The following PRKCSH variants were observed in gnomAD, a reference collection of about 807,000 sequenced individuals.
PRKCSH encodes the protein glucosidase 2 subunit beta.
A neutral mutation model predicts 79.7 loss-of-function variants in PRKCSH; 42 were observed. The ratio of observed to expected loss-of-function variants is 0.53; its 90% CI spans 0.41 to 0.68. PRKCSH has a LOEUF of 0.68. PRKCSH is among the 30% of genes least tolerant of loss of function. PRKCSH has a pLI of 0.00. For synonymous variants in PRKCSH, 325 were observed against 288.2 expected (o/e 1.13, Z -1.29); for missense variants, 686 against 709.0 (o/e 0.97, Z 0.37).
At chr19:11,437,544 A>T (rs1969830742) in intron 3 of PRKCSH, among the ~76,000 whole-genome samples, 1 of 151,040 alleles carries the variant, frequency 6.6e-6, no homozygotes, top group Non-Finnish European at 1.5e-5. Flanking sequence ...GTAGAGATGG[A>T]GTTTCATCGT....
chr19:11,438,248 C>T lies in PRKCSH; in HGVS notation c.350+124C>T, dbSNP rs1346555799. ...CGGGTTCTCTGTCTGTGCCAGGTGC[C>T]TTGTGAATCCTAATCCCCACCTTTC... On this transcript the variant is annotated intron_variant, in intron 5 of 17. Coordinates refer to ENST00000677123, the MANE Select transcript of PRKCSH (RefSeq NM_001289104.2). 20 of 1,054,640 alleles carry T rather than the reference C, an allele frequency of 1.9e-5. No individual in the cohort carries two copies. In the Admixed American group the frequency reaches 3.7e-4, roughly 20 times the overall value. The allele number at this position is 1,054,640 out of a possible 1,614,324, so 65.3% of individuals were successfully genotyped here.
chr19:11,435,739 CA>C lies in PRKCSH; in HGVS notation c.-78+34del, dbSNP rs1455335833. 6 of 1,350,324 alleles carry C rather than the reference CA, an allele frequency of 4.4e-6. No homozygotes were observed. The African/African-American group carries it at 8.8e-5, about 20-fold the overall frequency. The allele number at this position is 1,350,324 out of a possible 1,614,324, so 83.6% of individuals were successfully genotyped here. ...TGAACGAGCGGGTGGGAGGGCACCT[CA>C]GTTTCTTACAGGGGGCAACCGGAGG... On this transcript the variant is annotated intron_variant, in intron 1 of 17. Transcript: ENST00000677123.
intron 7 of PRKCSH, among the ~76,000 whole-genome samples, chr19:11,443,544 C>CAAA (rs1209714150): frequency 9.7e-6 from 1 of 103,472 alleles, no homozygotes. Flanking sequence ...GACTCCGTCT[C>CAAA]AAAAAAAAAA....
At position 11,445,382 on chromosome 19, in the gene PRKCSH, T is replaced by C. The variant is rs771148433; in HGVS notation, c.599-7T>C. ...GGCAGGGGGTGACAGAGGTGGCTTC[T>C]TTACAGAGCAGCTGGCTGCTGCCAA... On this transcript the variant is annotated splice_polypyrimidine_tract_variant and splice_region_variant and intron_variant, in intron 7 of 17. Transcript: ENST00000677123. 3 of 1,613,404 alleles carry C rather than the reference T, an allele frequency of 1.9e-6. No homozygotes were observed. The highest frequency in any genetic ancestry group is 1.7e-4 in the Middle Eastern group (1 of 6,046).
chr19:11,448,703 T>C lies in PRKCSH; in HGVS notation c.1286+74T>C, dbSNP rs1827446514. 3 of 1,463,330 alleles carry C rather than the reference T, an allele frequency of 2.1e-6. No homozygotes were observed. In the South Asian group the frequency reaches 3.4e-5, roughly 17 times the overall value. 90.6% of individuals were successfully genotyped at this position (1,463,330 alleles called of 1,614,324 possible). A position where few individuals can be genotyped will look rare whatever the true frequency, so the allele number is the denominator to read the frequency against. ...TGGCCCCGGAAGTGGCACCGGCAGT[T>C]TCCTGATGGTTGGGGAACCATCTGC... On this transcript the variant is annotated intron_variant, in intron 14 of 17. Coordinates refer to ENST00000677123, the MANE Select transcript of PRKCSH (RefSeq NM_001289104.2). This position sits in a 1 kb window ranked among gnomAD's most constrained non-coding sequence, Gnocchi z 4.4.
At position 11,442,431 on chromosome 19, in the gene PRKCSH, C is replaced by T; in HGVS notation, c.514C>T (p.Gln172Ter). ...LQAGKKSLED[Q>*]VEMLRTVKEE... is the part of the protein sequence containing the mutation. ...GGCTGGGAAGAAGTCTCTGGAAGACCAGGTGGAGATGCTGCGGACAGTGAA... is the reference window on the plus strand; with the variant it reads ...GGCTGGGAAGAAGTCTCTGGAAGACTAGGTGGAGATGCTGCGGACAGTGAA... Residue 172 changes from glutamine (Q) to a stop codon, truncating the protein, a stop_gained, in exon 7 of 18, where the codon CAG (glutamine) becomes TAG (stop). Coordinates refer to ENST00000677123, the MANE Select transcript of PRKCSH (RefSeq NM_001289104.2). LOFTEE classifies it high-confidence loss of function. The T allele has an allele frequency of 6.2e-7, 1 of 1,611,416 alleles. No homozygotes were observed. The highest frequency in any genetic ancestry group is 2.2e-5 in the East Asian group (1 of 44,844).
chr19:11,436,355 A>G (rs200476201), intron 2 of PRKCSH, 34 bp from the exon 3 acceptor site: 112 of 1,604,210 alleles, frequency 7.0e-5, no homozygotes, highest in African/African-American at 1.3e-5. Context: ...GAAGGCGCTT[A>G]CCTGCCCTGG....
At chr19:11,437,814 T>A in intron 3 of PRKCSH, 62 bp from the exon 4 acceptor site, 1 of 1,411,442 alleles carries the variant, frequency 7.1e-7, no homozygotes, top group Non-Finnish European at 1.0e-6. Context: ...TATCTGTGGA[T>A]GGATGGGACA....
At position 11,436,143 on chromosome 19, in the gene PRKCSH, T is replaced by TA. The variant is rs774162414; in HGVS notation, c.27dup (p.Pro10ThrfsTer24). ...ATGCTGTTGCCGCTGCTGCTGCTGC[T>TA]ACCCATGTGCTGGGCCGTGGAGGTC... On this transcript the variant is annotated frameshift_variant, in exon 2 of 18. Coordinates refer to ENST00000677123, the MANE Select transcript of PRKCSH (RefSeq NM_001289104.2). LOFTEE classifies it high-confidence loss of function. 6.2e-7 allele frequency: 1 copy of TA among 1,607,466 alleles called. No homozygotes were observed. Among genetic ancestry groups the TA allele is most frequent in the South Asian group, 1.1e-5 (1 of 90,486 alleles).
intron 6 of PRKCSH, 49 bp from the exon 7 acceptor site, chr19:11,442,337 G>C: frequency 1.3e-6 from 2 of 1,548,730 alleles, no homozygotes; most frequent in Non-Finnish European, 1.7e-6. Context: ...AGTCAATGAG[G>C]AGGAGGCAGA....
At chr19:11,436,287 A>G in intron 2 of PRKCSH, 91 bp downstream of exon 2, 5 of 1,586,764 alleles carry the variant, frequency 3.2e-6, no homozygotes, top group Non-Finnish European at 4.3e-6. Context: ...CTTTTGACTC[A>G]GTTTCCCGGT....
chr19:11,445,921 A>C, intron 8 of PRKCSH: 2 of 328,846 alleles, frequency 6.1e-6, no homozygotes, highest in Non-Finnish European at 1.1e-5. Flanking sequence ...GAGGGACCGA[A>C]TGGGCAAGGG....
In PRKCSH at chr19:11,436,055, G is replaced by A. The variant is rs1969710750; in HGVS notation, c.-63G>A. ...TCTTCCTGCAGCGTGAAGACACAGC[G>A]CATCTCCCCGCTGTAGGCTTCCTCC... On this transcript the variant is annotated 5_prime_UTR_variant, in exon 2 of 18. Coordinates refer to ENST00000677123, the MANE Select transcript of PRKCSH (RefSeq NM_001289104.2). The A allele has an allele frequency of 1.3e-6, 2 of 1,588,012 alleles. No homozygotes were observed. Among genetic ancestry groups the A allele is most frequent in the East Asian group, 2.2e-5 (1 of 44,812 alleles).
At position 11,448,253 on chromosome 19, in the gene PRKCSH, G is replaced by T. The variant is rs1227435012; in HGVS notation, c.1158G>T (p.Glu386Asp). ...AAQEARNKFE[E>D]AERSLKDMEE... ...AGGAGGCCCGCAACAAGTTCGAGGA[G>T]GCCGAGCGGTCGCTGAAGGACATGG... Residue 386 changes from glutamate (E) to aspartate (D), a missense_variant, in exon 13 of 18, where the codon GAG (glutamate) becomes GAT (aspartate). By Grantham distance (45) the Glu-to-Asp change is conservative (BLOSUM62 2). Transcript: ENST00000677123. This position sits in a 1 kb window ranked among gnomAD's most constrained non-coding sequence, Gnocchi z 4.4. The T allele has an allele frequency of 1.3e-6, 2 of 1,568,140 alleles. No homozygotes were observed. The highest frequency in any genetic ancestry group is 4.7e-5 in the East Asian group (2 of 42,462).
intron 3 of PRKCSH, 132 bp from the exon 4 acceptor site, chr19:11,437,744 T>C (rs1969844065): frequency 1.3e-5 from 11 of 851,558 alleles, no homozygotes. Context: ...TGTACAACTC[T>C]TTCCTTCCTT....
intron 3 of PRKCSH, 191 bp downstream of exon 3, chr19:11,436,696 C>A: frequency 5.1e-6 from 3 of 592,166 alleles, no homozygotes; most frequent in Non-Finnish European, 6.1e-6. Context: ...TCCCAAGCCT[C>A]GGGGTCAGAG....
rs1201324333 is a variant in PRKCSH, at chr19:11,448,708, G to T, written c.1286+79G>T. Reference sequence around the variant, plus strand: ...CCGGAAGTGGCACCGGCAGTTTCCTGATGGTTGGGGAACCATCTGCGGGTG... The same window carrying T: ...CCGGAAGTGGCACCGGCAGTTTCCTTATGGTTGGGGAACCATCTGCGGGTG... On this transcript the variant is annotated intron_variant, in intron 14 of 17. Transcript: ENST00000677123. This position sits in a 1 kb window ranked among gnomAD's most constrained non-coding sequence, Gnocchi z 4.4. 2 of 1,454,108 alleles carry T rather than the reference G, an allele frequency of 1.4e-6. No homozygotes were observed. The highest frequency in any genetic ancestry group is 2.8e-5 in the African/African-American group (2 of 71,486). The allele number at this position is 1,454,108 out of a possible 1,614,324, so 90.1% of individuals were successfully genotyped here.
chr19:11,435,764 G>A (rs1330887064), intron 1 of PRKCSH, 58 bp downstream of exon 1: 1 of 1,382,360 alleles, frequency 7.2e-7, no homozygotes, highest in Admixed American at 2.2e-5. Flanking sequence ...GGCAACCGGA[G>A]GGTGCATGTG....
intron 5 of PRKCSH, among the ~76,000 whole-genome samples, chr19:11,440,384 C>T (rs1300237219): frequency 3.3e-5 from 5 of 151,900 alleles, no homozygotes; most frequent in African/African-American, 1.2e-4. Context: ...GATCTCCTGA[C>T]CTTGTGATCT....
Sources: gnomAD v4.1 joint callset for allele counts (sites outside exome capture counted in the v4.1 genomes callset) on GRCh38, gnomAD v4.1.1 for gene constraint, Gnocchi (gnomAD v3.1) non-coding constraint, MANE v1.5 for transcripts, NCBI Gene and HGNC (gene_info 2026-07-23, HGNC 2026-07-21) for gene names.